Variants in MAGI1 observed in about 807,000 individuals in gnomAD.
The protein encoded by MAGI1 is membrane-associated guanylate kinase, WW and PDZ domain-containing protein 1.
In MAGI1, 58 loss-of-function variants were observed where a neutral mutation model predicts 139.9. That is an observed-to-expected ratio of 0.41 (90% CI 0.34 to 0.52). The LOEUF is 0.52. Among genes scored for constraint, MAGI1 ranks in the 20% least tolerant of loss-of-function variants. The pLI is 0.12. For missense variants in MAGI1, 1,874 were observed against 1,901.6 expected (o/e 0.99, Z 0.27); for synonymous variants, 812 against 737.9 (o/e 1.10, Z -1.63).
chr3:66,022,580 C>G (rs1281534035), intron 1 of MAGI1, among the ~76,000 whole-genome samples: 1 of 152,156 alleles, frequency 6.6e-6, no homozygotes, highest in Non-Finnish European at 1.5e-5. Context: ...CATCTGCTGT[C>G]CTTACACTGG....
chr3:65,838,144 T>C lies in MAGI1; in HGVS notation c.313+199852A>G, dbSNP rs113565512. Reference sequence around the variant, plus strand: ...ACACAACTGGCTGGGCACAGTATTTTACTAAAAATACAAAAAAATTAGCTG... The same window carrying C: ...ACACAACTGGCTGGGCACAGTATTTCACTAAAAATACAAAAAAATTAGCTG... On this transcript the variant is annotated intron_variant, in intron 1 of 22. Coordinates refer to ENST00000402939, the MANE Select transcript of MAGI1 (RefSeq NM_001033057.2). 3.3e-3 allele frequency among the ~76,000 whole-genome samples: 508 copies of C among 152,208 alleles called. 1 individual carries two copies. The highest frequency in any genetic ancestry group is 0.012 in the African/African-American group (483 of 41,528).
intron 1 of MAGI1, among the ~76,000 whole-genome samples, chr3:65,648,986 C>T (rs1030013556): frequency 6.6e-6 from 1 of 152,112 alleles, no homozygotes; most frequent in Admixed American, 6.6e-5. Context: ...GATACTGAAA[C>T]AATTGGACAT....
At chr3:65,702,038 A>C (rs537050505) in intron 1 of MAGI1, among the ~76,000 whole-genome samples, 1 of 151,994 alleles carries the variant, frequency 6.6e-6, no homozygotes, top group African/African-American at 2.4e-5. Context: ...GGCCCTTAGG[A>C]AATCTACCCC....
intron 12 of MAGI1, among the ~76,000 whole-genome samples, chr3:65,402,811 G>T (rs1385545742): frequency 6.6e-6 from 1 of 152,112 alleles, no homozygotes; most frequent in Non-Finnish European, 1.5e-5. Context: ...CTCGTCGTGG[G>T]AGGCATGAGG....
chr3:65,561,295 ATTG>A (rs1250079757), intron 2 of MAGI1, among the ~76,000 whole-genome samples: 3 of 152,254 alleles, frequency 2.0e-5, no homozygotes, highest in Admixed American at 6.5e-5. Flanking sequence ...TTTCCCCCGT[ATTG>A]TTGTATTTTC....
intron 6 of MAGI1, 90 bp downstream of exon 6, chr3:65,453,168 A>T (rs915624057): frequency 1.0e-5 from 11 of 1,100,592 alleles, no homozygotes; most frequent in Non-Finnish European, 1.3e-5. Context: ...TCAACATAAG[A>T]CCCGACTGAC....
intron 12 of MAGI1, among the ~76,000 whole-genome samples, chr3:65,414,397 C>T (rs532842250): frequency 3.9e-5 from 6 of 152,246 alleles, no homozygotes; most frequent in South Asian, 4.2e-4. Context: ...ATAAGAGTGA[C>T]GAATATAACC....
chr3:65,401,180 G>C (rs1944858114), intron 13 of MAGI1, among the ~76,000 whole-genome samples: 2 of 152,086 alleles, frequency 1.3e-5, no homozygotes, highest in South Asian at 4.2e-4. Flanking sequence ...CATTTGTATA[G>C]AGAAGATTTC....
At chr3:65,798,598 A>C (rs1164293195) in intron 1 of MAGI1, among the ~76,000 whole-genome samples, 1 of 151,886 alleles carries the variant, frequency 6.6e-6, no homozygotes, top group Non-Finnish European at 1.5e-5. Context: ...TCGCAGATTC[A>C]TGCTGATTGC....
rs537451756 is a variant in MAGI1 at position 65,718,068 on chromosome 3, C to T, written c.314-95980G>A. 2.6e-5 allele frequency among the ~76,000 whole-genome samples: 4 copies of T among 152,284 alleles called. No homozygotes were observed. In the East Asian group the frequency reaches 7.7e-4, roughly 29 times the overall value. On this transcript the variant is annotated intron_variant, in intron 1 of 22. Transcript: ENST00000402939. ...ATCTTCCATGCAGAAATCCCTGTAC[C>T]TACACTCGGGACCTTGAATTGATTG...
At position 65,355,665 on chromosome 3, in the gene MAGI1, A is replaced by T. The variant is rs1418710600; in HGVS notation, c.*713T>A. On this transcript the variant is annotated 3_prime_UTR_variant, in exon 23 of 23. Coordinates refer to ENST00000402939, the MANE Select transcript of MAGI1 (RefSeq NM_001033057.2). ...ACCTGACTGTCTGTGCTTGGGCTGT[A>T]TTTGAGTAAAAGTGGCCGACATTTT... is the stretch of plus-strand genomic sequence containing the variant. 1 of 152,642 alleles carries T rather than the reference A, an allele frequency of 6.6e-6. No homozygotes were observed. The allele number at this position is 152,642 out of a possible 1,614,324, so 9.5% of individuals were successfully genotyped here. A position where few individuals can be genotyped will look rare whatever the true frequency, so the allele number is the denominator to read the frequency against.
intron 1 of MAGI1, among the ~76,000 whole-genome samples, chr3:65,854,432 A>G (rs1173160865): frequency 1.3e-5 from 2 of 152,226 alleles, no homozygotes; most frequent in African/African-American, 4.8e-5. Context: ...GAATAGGTGC[A>G]TGAGGCAATA....
At chr3:65,840,187 G>C (rs554905728) in intron 1 of MAGI1, among the ~76,000 whole-genome samples, 5 of 146,986 alleles carry the variant, frequency 3.4e-5, no homozygotes, top group Admixed American at 3.4e-4. Flanking sequence ...GCTTTTCTCT[G>C]TAGACAAAGA....
chr3:65,804,045 C>T (rs79395494), intron 1 of MAGI1, among the ~76,000 whole-genome samples: 3,313 of 152,246 alleles, frequency 0.022, 115 homozygotes, highest in African/African-American at 0.075. Context: ...CTAAATTCCA[C>T]TCTGCATCTT....
At chr3:65,987,026 A>G (rs914733705) in intron 1 of MAGI1, among the ~76,000 whole-genome samples, 1 of 152,088 alleles carries the variant, frequency 6.6e-6, no homozygotes, top group African/African-American at 2.4e-5. Flanking sequence ...ATACGCCACC[A>G]TGTTCGGCTA....
At chr3:65,359,555 A>C (rs1940581307) in intron 22 of MAGI1, 3 of 1,004,052 alleles carry the variant, frequency 3.0e-6, no homozygotes, top group South Asian at 4.4e-5. Context: ...ATTAAGTACA[A>C]AAAACTCATT....
At chr3:65,741,934 C>T (rs377440473) in intron 1 of MAGI1, among the ~76,000 whole-genome samples, 1 of 152,204 alleles carries the variant, frequency 6.6e-6, no homozygotes, top group Non-Finnish European at 1.5e-5. Flanking sequence ...GTGTCATGCC[C>T]GGAACTAGGT....
intron 12 of MAGI1, among the ~76,000 whole-genome samples, chr3:65,415,085 A>G (rs1946106747): frequency 6.6e-6 from 1 of 151,836 alleles, no homozygotes; most frequent in African/African-American, 2.4e-5. Context: ...TCATATTGGA[A>G]AATCTTCACT....
chr3:65,678,970 T>A (rs1227138383), intron 1 of MAGI1, among the ~76,000 whole-genome samples: 1 of 152,210 alleles, frequency 6.6e-6, no homozygotes, highest in Admixed American at 6.5e-5. Context: ...CCAACTTGAA[T>A]AATGGGCGTA....
Sources: gnomAD v4.1 joint callset for allele counts (sites outside exome capture counted in the v4.1 genomes callset) on GRCh38, gnomAD v4.1.1 for gene constraint, MANE v1.5 for transcripts, NCBI Gene and HGNC (gene_info 2026-07-23, HGNC 2026-07-21) for gene names.